The following LIMK2 variants were observed in gnomAD, a reference collection of about 807,000 sequenced individuals.
The protein encoded by LIMK2 is LIM domain kinase 2.
LIMK2 carries 35 observed loss-of-function variants against 75.7 expected under a neutral mutation model. The observed-to-expected ratio is 0.46, with a 90% CI of 0.35 to 0.61. The LOEUF (loss-of-function observed/expected upper bound fraction) is 0.61. Among genes scored for constraint, LIMK2 ranks in the 20% least tolerant of loss-of-function variants. The probability of loss-of-function intolerance (pLI) is 0.00; values close to 1 mark genes in which losing one functional copy is unlikely to be tolerated. For missense variants in LIMK2, 623 were observed against 831.0 expected (o/e 0.75, Z 3.08); for synonymous variants, 301 against 319.2 (o/e 0.94, Z 0.61).
chr22:31,229,502 AT>A (rs1270300835), intron 2 of LIMK2, among the ~76,000 whole-genome samples: 1 of 152,092 alleles, frequency 6.6e-6, no homozygotes, highest in Admixed American at 6.5e-5. Context: ...TCTCTGATGA[AT>A]TTAGAGTACC....
intron 2 of LIMK2, among the ~76,000 whole-genome samples, chr22:31,257,379 C>G (rs1601429197): frequency 6.6e-6 from 1 of 152,056 alleles, no homozygotes; most frequent in South Asian, 2.1e-4. Context: ...ATATCTCTCT[C>G]CCTCTATCTG....
chr22:31,245,660 A>G (rs2048661497), intron 2 of LIMK2, among the ~76,000 whole-genome samples: 2 of 151,978 alleles, frequency 1.3e-5, no homozygotes, highest in Non-Finnish European at 2.9e-5. Context: ...GGCTGGTCTC[A>G]AACTTCTGGC....
At chr22:31,271,799 C>T (rs568584509) in intron 12 of LIMK2, among the ~76,000 whole-genome samples, 23 of 152,332 alleles carry the variant, frequency 1.5e-4, no homozygotes, top group Admixed American at 1.4e-3. Flanking sequence ...CCCCAAGTCT[C>T]CCCATCTACT....
At position 31,272,548 on chromosome 22, in the gene LIMK2, G is replaced by T. The variant is rs746250163; in HGVS notation, c.1402G>T (p.Ala468Ser). The change falls in exon 13 of 16, where the codon GCA becomes TCA. Residue 468 changes from alanine to serine, a missense_variant. Physicochemically the swap from Ala to Ser is moderately conservative, Grantham distance 99 (BLOSUM62 1). Transcript: ENST00000331728. ...LIKLDKTVVV[A>S]DFGLSRLIVE... ...CTACCAGGACAAGACTGTGGTGGTG[G>T]CAGACTTTGGGCTGTCACGGCTCAT... 1 of 1,612,804 alleles carries T rather than the reference G, an allele frequency of 6.2e-7. No homozygotes were observed.
chr22:31,261,402 C>T (rs1394358699), intron 5 of LIMK2, among the ~76,000 whole-genome samples: 1 of 152,024 alleles, frequency 6.6e-6, no homozygotes. Flanking sequence ...AAAAATTAGC[C>T]GGGCATGGTG....
At chr22:31,270,581 C>T (rs2048946563) in intron 11 of LIMK2, among the ~76,000 whole-genome samples, 2 of 152,106 alleles carry the variant, frequency 1.3e-5, no homozygotes, top group African/African-American at 4.8e-5. Flanking sequence ...GGAGAGGAGA[C>T]ATAACAAACA....
chr22:31,273,115 A>G (rs547212956), intron 13 of LIMK2: 2 of 864,522 alleles, frequency 2.3e-6, no homozygotes, highest in East Asian at 1.2e-4. Flanking sequence ...AATACAATCC[A>G]TTTTGGAGTC....
chr22:31,237,999 C>G (rs2048593746), intron 2 of LIMK2, among the ~76,000 whole-genome samples: 1 of 150,450 alleles, frequency 6.6e-6, no homozygotes, highest in South Asian at 2.1e-4. Context: ...CCTGTAATCC[C>G]AGCTACTTGG....
chr22:31,226,197 T>C (rs2048476185), intron 2 of LIMK2, among the ~76,000 whole-genome samples: 1 of 151,342 alleles, frequency 6.6e-6, no homozygotes, highest in African/African-American at 2.4e-5. Context: ...TTTTATTTTA[T>C]TTTATTTTAT....
intron 7 of LIMK2, among the ~76,000 whole-genome samples, chr22:31,263,509 T>C (rs5749244): frequency 0.09 from 13,688 of 152,168 alleles, 906 homozygotes; most frequent in East Asian, 0.41. Flanking sequence ...ATAGGGACAG[T>C]GTTCAGTAAA....
At chr22:31,266,156 TGC>T (rs1568999753) in intron 8 of LIMK2, 24 bp downstream of exon 8, 26 of 1,611,176 alleles carry the variant, frequency 1.6e-5, no homozygotes, top group Non-Finnish European at 2.2e-5. Context: ...ACAATTGCTT[TGC>T]TCTTCTGCCC....
intron 2 of LIMK2, among the ~76,000 whole-genome samples, chr22:31,252,100 C>T (rs2048730674): frequency 6.6e-6 from 1 of 152,174 alleles, no homozygotes; most frequent in Non-Finnish European, 1.5e-5. Context: ...TACCTGTAAA[C>T]ATTTTTGTCT....
chr22:31,268,979 T>G (rs899954588), intron 11 of LIMK2, among the ~76,000 whole-genome samples: 4 of 152,234 alleles, frequency 2.6e-5, no homozygotes, highest in Admixed American at 6.5e-5. Context: ...CTATGGAGTC[T>G]GGACTATAGG....
intron 1 of LIMK2, 72 bp from the exon 2 acceptor site, chr22:31,225,648 C>A: frequency 9.0e-7 from 1 of 1,111,964 alleles, no homozygotes. Flanking sequence ...CAGTCTTATT[C>A]TACATGGTAG....
intron 1 of LIMK2, chr22:31,222,744 A>G (rs2048446641): frequency 1.3e-5 from 2 of 152,094 alleles, no homozygotes; most frequent in South Asian, 4.1e-4. Context: ...TTTAAAACTA[A>G]ATTAGATTTT....
At chr22:31,275,422 G>A in intron 15 of LIMK2, 114 bp downstream of exon 15, 1 of 1,038,232 alleles carries the variant, frequency 9.6e-7, no homozygotes. Context: ...TTGAGGTCAA[G>A]AATGTGGCTG....
chr22:31,278,161 TCA>T (rs1207231767), intron 15 of LIMK2, 134 bp from the exon 16 acceptor site: 2 of 703,376 alleles, frequency 2.8e-6, no homozygotes, highest in Non-Finnish European at 4.8e-6. Context: ...TGCCCATTTC[TCA>T]CAGAGGCACT....
At chr22:31,214,891 GT>G (rs1202289192) in intron 1 of LIMK2, among the ~76,000 whole-genome samples, 1 of 152,108 alleles carries the variant, frequency 6.6e-6, no homozygotes, top group Non-Finnish European at 1.5e-5. Flanking sequence ...CACCTCCCAG[GT>G]TCAAGTGAAT....
At position 31,279,770 on chromosome 22, in the gene LIMK2, T is replaced by C. The variant is rs973203830; in HGVS notation, c.*1329T>C. The C allele has an allele frequency of 6.6e-6, 1 of 152,196 alleles. No individual in the cohort carries two copies. The highest frequency in any genetic ancestry group is 1.5e-5 in the Non-Finnish European group (1 of 68,048). 9.4% of individuals were successfully genotyped at this position (152,196 alleles called of 1,614,324 possible). The stretch of plus-strand genomic sequence containing the variant: ...GGTGGTTGTATTGGAGCAGGGGGAA[T>C]TGATAAAGGAGAGTGGTTGCTGTTA... On this transcript the variant is annotated 3_prime_UTR_variant, in exon 16 of 16. Transcript: ENST00000331728.
Sources: gnomAD v4.1 joint callset for allele counts (sites outside exome capture counted in the v4.1 genomes callset) on GRCh38, gnomAD v4.1.1 for gene constraint, MANE v1.5 for transcripts, NCBI Gene and HGNC (gene_info 2026-07-23, HGNC 2026-07-21) for gene names.